The following NLRP1 variants were observed in gnomAD, a reference collection of about 807,000 sequenced individuals.
The protein encoded by NLRP1 is NACHT, LRR and PYD domains-containing protein 1.
NLRP1 carries 94 observed loss-of-function variants against 136.7 expected under a neutral mutation model. The ratio of observed to expected loss-of-function variants is 0.69; its 90% CI spans 0.58 to 0.82. The LOEUF is 0.82. Among genes scored for constraint, NLRP1 ranks in the 40% least tolerant of loss-of-function variants. The pLI is 0.00. For missense variants in NLRP1, 1,575 were observed against 1,802.7 expected (o/e 0.87, Z 2.29); for synonymous variants, 690 against 725.1 (o/e 0.95, Z 0.78).
chr17:5,519,503 G>A (rs933613437), intron 14 of NLRP1, among the ~76,000 whole-genome samples: 3 of 150,864 alleles, frequency 2.0e-5, no homozygotes, highest in Admixed American at 1.3e-4. Context: ...TGGAGTGCAG[G>A]GGGGGTGATC....
In NLRP1 at chr17:5,559,853, C is replaced by A; in HGVS notation, c.843G>T (p.Leu281=). The part of the protein sequence containing the change: ...NEDFNQKFTQ[L]LLLQRPHPRS... Reference sequence around the variant, plus strand: ...TGGGGTGAGGTCTTTGTAGAAGTAGCAGCTGTGTGAATTTTTGGTTAAAAT... The same window carrying A: ...TGGGGTGAGGTCTTTGTAGAAGTAGAAGCTGTGTGAATTTTTGGTTAAAAT... Residue 281 remains leucine, a synonymous_variant, in exon 4 of 17, where the codon CTG becomes CTT. Transcript: ENST00000572272. The A allele has an allele frequency of 6.2e-7, 1 of 1,614,222 alleles. No homozygotes were observed. Among genetic ancestry groups the A allele is most frequent in the Non-Finnish European group, 8.5e-7 (1 of 1,180,030 alleles).
chr17:5,510,011 C>G (rs1045297843), downstream of NLRP1, among the ~76,000 whole-genome samples: 1 of 152,142 alleles, frequency 6.6e-6, no homozygotes, highest in Non-Finnish European at 1.5e-5. Context: ...ACCGTCACAT[C>G]CATTCTGAGG....
chr17:5,558,144 C>G (rs1246454078), intron 4 of NLRP1, among the ~76,000 whole-genome samples, 195 bp downstream of exon 4: 1 of 152,170 alleles, frequency 6.6e-6, no homozygotes, highest in Non-Finnish European at 1.5e-5. Flanking sequence ...GCCTGCCCCA[C>G]AGCCGGGCAC....
chr17:5,553,981 C>T (rs1262783075), intron 4 of NLRP1, among the ~76,000 whole-genome samples: 3 of 151,972 alleles, frequency 2.0e-5, no homozygotes, highest in Admixed American at 2.0e-4. Flanking sequence ...AATTTGACAG[C>T]CTTCCTCCCT....
At chr17:5,510,036 C>G (rs917313284), downstream of NLRP1, among the ~76,000 whole-genome samples, 10 of 151,544 alleles carry the variant, frequency 6.6e-5, no homozygotes, top group Non-Finnish European at 1.5e-4. Flanking sequence ...TGCCATCTAT[C>G]TCTATTCAAA....
chr17:5,542,686 C>A (rs1218227833), intron 5 of NLRP1, among the ~76,000 whole-genome samples: 2 of 152,176 alleles, frequency 1.3e-5, no homozygotes, highest in Admixed American at 6.5e-5. Flanking sequence ...AGAATGTAAG[C>A]TCCTTGAGGA....
At chr17:5,511,718 A>C (rs11653414), downstream of NLRP1, among the ~76,000 whole-genome samples, 23,602 of 142,906 alleles carry the variant, frequency 0.17, 3,623 homozygotes, top group African/African-American at 0.43. Context: ...CTCCTCGCGT[A>C]GGTCCTTCCT....
intron 4 of NLRP1, among the ~76,000 whole-genome samples, chr17:5,556,749 G>A (rs1273847650): frequency 6.6e-6 from 1 of 151,634 alleles, no homozygotes. Flanking sequence ...TCAGCCTCCT[G>A]AGTAGCTGGG....
intron 11 of NLRP1, among the ~76,000 whole-genome samples, chr17:5,531,226 A>ATCTC (rs57767770): frequency 6.9e-6 from 1 of 144,160 alleles, no homozygotes; most frequent in African/African-American, 2.6e-5. Context: ...CTATCTATCT[A>ATCTC]ATCTATGGAA....
intron 5 of NLRP1, 78 bp from the exon 6 acceptor site, chr17:5,542,105 A>T: frequency 7.0e-7 from 1 of 1,420,066 alleles, no homozygotes; most frequent in Non-Finnish European, 9.6e-7. Context: ...ACCATTAATC[A>T]CCTACTATGC....
At chr17:5,560,431 C>A (rs1440129378) in intron 3 of NLRP1, among the ~76,000 whole-genome samples, 1 of 152,076 alleles carries the variant, frequency 6.6e-6, no homozygotes, top group Non-Finnish European at 1.5e-5. Context: ...GGTTGTAGGT[C>A]ATGGAGGACT....
At chr17:5,558,251 G>A in intron 4 of NLRP1, 88 bp downstream of exon 4, 1 of 1,438,214 alleles carries the variant, frequency 7.0e-7, no homozygotes, top group Non-Finnish European at 9.4e-7. Context: ...CCCCCGGCCA[G>A]GCTCAGTGAG....
intron 3 of NLRP1, among the ~76,000 whole-genome samples, chr17:5,572,769 T>C (rs954881824): frequency 2.0e-5 from 3 of 146,768 alleles, no homozygotes; most frequent in African/African-American, 7.5e-5. Flanking sequence ...AAAGAAGACA[T>C]ACACATGGCC....
At chr17:5,546,271 A>G (rs1912649984) in intron 5 of NLRP1, among the ~76,000 whole-genome samples, 1 of 152,218 alleles carries the variant, frequency 6.6e-6, no homozygotes, top group East Asian at 1.9e-4. Flanking sequence ...CATGTATGCC[A>G]TGTTCTTAGG....
intron 7 of NLRP1, among the ~76,000 whole-genome samples, chr17:5,538,344 A>C (rs1237354208): frequency 6.8e-6 from 1 of 146,848 alleles, no homozygotes; most frequent in Non-Finnish European, 1.5e-5. Context: ...CACTCCACTC[A>C]GGGTCCTTCA....
intron 12 of NLRP1, among the ~76,000 whole-genome samples, chr17:5,522,632 T>G (rs570082847): frequency 6.6e-6 from 1 of 152,320 alleles, no homozygotes; most frequent in East Asian, 1.9e-4. Flanking sequence ...CTTTGGAGGC[T>G]GTGGGAAATT....
At chr17:5,567,954 A>T (rs1332779081) in intron 3 of NLRP1, among the ~76,000 whole-genome samples, 1 of 152,090 alleles carries the variant, frequency 6.6e-6, no homozygotes, top group Non-Finnish European at 1.5e-5. Flanking sequence ...ATAGTATGTT[A>T]CTTGTTTCTT....
chr17:5,509,694 G>A (rs150669048), downstream of NLRP1, among the ~76,000 whole-genome samples: 563 of 152,248 alleles, frequency 3.7e-3, 1 homozygote, highest in Admixed American at 0.011. Flanking sequence ...TAGTAGAGAT[G>A]GGGTTTTGCT....
At chr17:5,545,351 CACACACAG>C (rs1187054061) in intron 5 of NLRP1, among the ~76,000 whole-genome samples, 1 of 143,892 alleles carries the variant, frequency 6.9e-6, no homozygotes, top group Non-Finnish European at 1.5e-5. Flanking sequence ...CACACACACA[CACACACAG>C]ACACCCACAC....
Sources: gnomAD v4.1 joint callset for allele counts (sites outside exome capture counted in the v4.1 genomes callset) on GRCh38, gnomAD v4.1.1 for gene constraint, MANE v1.5 for transcripts, NCBI Gene and HGNC (gene_info 2026-07-23, HGNC 2026-07-21) for gene names.